PARD3: variants seen among roughly 807,000 people sequenced by gnomAD.
PARD3 encodes the protein partitioning defective 3 homolog.
Under a neutral mutation model 155.4 loss-of-function variants are expected in PARD3, and 75 were observed. The observed-to-expected ratio is 0.48, with a 90% CI of 0.40 to 0.58. The LOEUF is 0.58. Ranked by LOEUF, PARD3 falls within the 20% of genes least tolerant of loss-of-function variation. The pLI, the probability that PARD3 is intolerant of heterozygous loss-of-function variation, is 0.00. For missense variants in PARD3, 1,642 were observed against 1,721.7 expected (o/e 0.95, Z 0.82); for synonymous variants, 576 against 610.5 (o/e 0.94, Z 0.83).
intron 4 of PARD3, among the ~76,000 whole-genome samples, chr10:34,464,228 T>A (rs991267220): frequency 1.8e-4 from 28 of 152,170 alleles, no homozygotes; most frequent in African/African-American, 6.7e-4. Flanking sequence ...ATGCCTGTGT[T>A]TCAGCTCTTG....
chr10:34,716,812 G>A (rs966758088), intron 1 of PARD3, among the ~76,000 whole-genome samples: 2 of 151,828 alleles, frequency 1.3e-5, no homozygotes, highest in African/African-American at 4.8e-5. Context: ...GGTTGGTCTC[G>A]CACTGCCAAC....
chr10:34,217,752 A>G (rs932860066), intron 22 of PARD3, among the ~76,000 whole-genome samples: 1 of 152,148 alleles, frequency 6.6e-6, no homozygotes, highest in Non-Finnish European at 1.5e-5. Flanking sequence ...GTTCATATTT[A>G]CTGAATTCCT....
chr10:34,460,168 A>T (rs1322337725), intron 4 of PARD3, among the ~76,000 whole-genome samples: 3 of 152,200 alleles, frequency 2.0e-5, no homozygotes, highest in Non-Finnish European at 4.4e-5. Flanking sequence ...CCATTAGCAG[A>T]AAAAGCATGT....
chr10:34,503,109 C>A (rs561051215), intron 3 of PARD3, among the ~76,000 whole-genome samples: 2 of 152,184 alleles, frequency 1.3e-5, no homozygotes, highest in Non-Finnish European at 2.9e-5. Context: ...ACTACTTAGA[C>A]AAACTGATCA....
At chr10:34,608,418 C>G (rs1037455867) in intron 2 of PARD3, among the ~76,000 whole-genome samples, 4 of 152,044 alleles carry the variant, frequency 2.6e-5, no homozygotes, top group African/African-American at 7.2e-5. Context: ...CTAGAGCCAT[C>G]TAGTTCTTAG....
intron 2 of PARD3, among the ~76,000 whole-genome samples, chr10:34,621,919 G>A (rs990470715): frequency 2.0e-4 from 31 of 152,202 alleles, no homozygotes; most frequent in African/African-American, 7.5e-4. Context: ...CTCAGAGGTT[G>A]TAACAGTCCA....
intron 2 of PARD3, among the ~76,000 whole-genome samples, chr10:34,682,569 C>G (rs2093863583): frequency 6.6e-6 from 1 of 152,020 alleles, no homozygotes; most frequent in Admixed American, 6.6e-5. Context: ...GTTTTTAAAT[C>G]CTCAGGCCAG....
chr10:34,683,426 C>T (rs2093884338), intron 2 of PARD3, among the ~76,000 whole-genome samples: 2 of 151,300 alleles, frequency 1.3e-5, no homozygotes, highest in Non-Finnish European at 2.9e-5. Flanking sequence ...AAGATAGTTA[C>T]TATGATTATA....
chr10:34,410,045 C>T (rs1589465613), intron 5 of PARD3, among the ~76,000 whole-genome samples: 1 of 152,106 alleles, frequency 6.6e-6, no homozygotes, highest in East Asian at 1.9e-4. Context: ...ATCAAATGAG[C>T]TAATTGAAGT....
intron 16 of PARD3, among the ~76,000 whole-genome samples, chr10:34,338,219 G>T (rs759394350): frequency 6.6e-6 from 1 of 152,168 alleles, no homozygotes; most frequent in East Asian, 1.9e-4. Flanking sequence ...TGGCTCAAGC[G>T]GGCATGATAA....
intron 14 of PARD3, among the ~76,000 whole-genome samples, chr10:34,358,140 G>A (rs916360336): frequency 1.3e-5 from 2 of 152,064 alleles, no homozygotes; most frequent in African/African-American, 4.8e-5. Flanking sequence ...TTTTGCACAT[G>A]GGCAAGTCTG....
At chr10:34,686,436 TAAA>T (rs71033335) in intron 2 of PARD3, among the ~76,000 whole-genome samples, 1 of 147,062 alleles carries the variant, frequency 6.8e-6, no homozygotes. Flanking sequence ...AGAACTCCCT[TAAA>T]AAAAAAAAAA....
intron 20 of PARD3, among the ~76,000 whole-genome samples, chr10:34,303,487 A>G (rs1241234647): frequency 2.0e-5 from 3 of 152,258 alleles, no homozygotes; most frequent in Non-Finnish European, 2.9e-5. Flanking sequence ...AAAAAGGAAA[A>G]TATTTTTACT....
At chr10:34,345,785 T>C in intron 15 of PARD3, 1 of 985,422 alleles carries the variant, frequency 1.0e-6, no homozygotes, top group Non-Finnish European at 1.2e-6. Flanking sequence ...GGTAACGTCT[T>C]GAACAGGATT....
At chr10:34,117,116 G>A (rs567435388) in intron 24 of PARD3, among the ~76,000 whole-genome samples, 6 of 152,124 alleles carry the variant, frequency 3.9e-5, no homozygotes, top group South Asian at 4.2e-4. Flanking sequence ...CTGCCTTCCC[G>A]GCCCGCCCAC....
chr10:34,533,585 T>C lies in PARD3; in HGVS notation c.223-16426A>G, dbSNP rs2083007151. ...ACTTTGGGGGACCAAGGCAGGCAGA[T>C]CACTTGAGCTCAGGAGTTTGTGACC... On this transcript the variant is annotated intron_variant, in intron 2 of 24. Transcript: ENST00000374788. 2.6e-5 allele frequency among the ~76,000 whole-genome samples: 4 copies of C among 151,966 alleles called. No individual in the cohort carries two copies. The South Asian group carries it at 6.2e-4, about 24-fold the overall frequency.
intron 3 of PARD3, among the ~76,000 whole-genome samples, 153 bp from the exon 4 acceptor site, chr10:34,470,416 T>C (rs2078274734): frequency 6.6e-6 from 1 of 152,172 alleles, no homozygotes; most frequent in African/African-American, 2.4e-5. Context: ...ACAAATTCCT[T>C]TAGGTCCTTT....
intron 22 of PARD3, among the ~76,000 whole-genome samples, chr10:34,201,801 G>T (rs1951226772): frequency 6.6e-6 from 1 of 152,076 alleles, no homozygotes; most frequent in Non-Finnish European, 1.5e-5. Flanking sequence ...AAAACTAAAG[G>T]GAAGAAACGT....
chr10:34,270,957 T>C (rs1190459029), intron 21 of PARD3, among the ~76,000 whole-genome samples: 1 of 152,238 alleles, frequency 6.6e-6, no homozygotes, highest in East Asian at 1.9e-4. Context: ...ATATAATTTA[T>C]GTCCTAAGTC....
Sources: gnomAD v4.1 joint callset for allele counts (sites outside exome capture counted in the v4.1 genomes callset) on GRCh38, gnomAD v4.1.1 for gene constraint, MANE v1.5 for transcripts, NCBI Gene and HGNC (gene_info 2026-07-23, HGNC 2026-07-21) for gene names.